GAP43: variants seen among roughly 807,000 people sequenced by gnomAD.
The protein encoded by GAP43 is neuromodulin.
In GAP43, 6 loss-of-function variants were observed where a neutral mutation model predicts 18.6. That is an observed-to-expected ratio of 0.32 (90% CI 0.18 to 0.64). The LOEUF (loss-of-function observed/expected upper bound fraction) is 0.64, where lower values mean the gene tolerates loss of function less well. Ranked by LOEUF, GAP43 falls within the 30% of genes least tolerant of loss-of-function variation. GAP43 has a pLI of 0.78. For synonymous variants in GAP43, 115 were observed against 111.4 expected (o/e 1.03, Z -0.20); for missense variants, 292 against 295.5 (o/e 0.99, Z 0.09).
At chr3:115,641,543 C>CAGACAGACAT (rs148731356) in intron 1 of GAP43, among the ~76,000 whole-genome samples, 1 of 150,242 alleles carries the variant, frequency 6.7e-6, no homozygotes, top group Non-Finnish European at 1.5e-5. Context: ...CACACACACA[C>CAGACAGACAT]GGTGCTTTCC....
chr3:115,654,233 G>A (rs1442408649), intron 1 of GAP43, among the ~76,000 whole-genome samples: 2 of 152,202 alleles, frequency 1.3e-5, no homozygotes, highest in African/African-American at 4.8e-5. Context: ...AGTACCAAGT[G>A]ATTCAAATAT....
chr3:115,670,059 A>G (rs1296497324), intron 1 of GAP43, among the ~76,000 whole-genome samples: 1 of 127,870 alleles, frequency 7.8e-6, no homozygotes, highest in Non-Finnish European at 1.6e-5. Context: ...GGTTAGTTAC[A>G]TATGTATACA....
At position 115,637,289 on chromosome 3, in the gene GAP43, G is replaced by GGATATGT. The variant is rs1401653251; in HGVS notation, c.30+13570_30+13571insGATATGT. On this transcript the variant is annotated intron_variant, in intron 1 of 2. Coordinates refer to ENST00000305124, the MANE Select transcript of GAP43 (RefSeq NM_002045.4). ...GGGTAAGATATCCAGTACAGTGCAT[G>GGATATGT]ACTCAAGAAACACATATTGTATCTA... 2.0e-5 allele frequency among the ~76,000 whole-genome samples: 3 copies of GGATATGT among 152,040 alleles called. No homozygotes were observed. The East Asian group carries it at 5.8e-4, about 29-fold the overall frequency.
chr3:115,692,569 G>A (rs946804579), intron 2 of GAP43, among the ~76,000 whole-genome samples: 3 of 152,214 alleles, frequency 2.0e-5, no homozygotes, highest in African/African-American at 4.8e-5. Context: ...CAGAGACCAC[G>A]ATAGTGGGTA....
Position 115,680,245 on chromosome 3 carries a change from C to A in GAP43, c.628+3635C>A, listed in dbSNP as rs376387967. On this transcript the variant is annotated intron_variant, in intron 2 of 2. Transcript: ENST00000305124. ...GAGACCGAGGCAGGAGGACTTGAGT[C>A]CAGGAGTTTGAGACCAGCCTGGGCA... 1.5e-4 allele frequency among the ~76,000 whole-genome samples: 23 copies of A among 152,158 alleles called. 1 individual carries two copies. Among genetic ancestry groups the A allele is most frequent in the African/African-American group, 5.5e-4 (23 of 41,504 alleles).
intron 2 of GAP43, among the ~76,000 whole-genome samples, chr3:115,693,450 C>T (rs1280402405): frequency 1.3e-5 from 2 of 151,826 alleles, no homozygotes; most frequent in African/African-American, 2.4e-5. Flanking sequence ...TTAAGAGCCA[C>T]GGGGAGACTC....
At chr3:115,641,454 T>G (rs62264810) in intron 1 of GAP43, among the ~76,000 whole-genome samples, 115,672 of 150,190 alleles carry the variant, frequency 0.77, 45,157 homozygotes, top group Admixed American at 0.84. Flanking sequence ...TATATATATA[T>G]AGAGAGAGAA....
chr3:115,705,709 A>T (rs1054656153), intron 2 of GAP43, among the ~76,000 whole-genome samples: 1 of 152,206 alleles, frequency 6.6e-6, no homozygotes, highest in Non-Finnish European at 1.5e-5. Context: ...CTGAGAAGGA[A>T]AAGCTAAGAA....
intron 2 of GAP43, among the ~76,000 whole-genome samples, chr3:115,710,268 G>A (rs28399403): frequency 1.4e-5 from 2 of 143,610 alleles, no homozygotes; most frequent in African/African-American, 5.2e-5. Flanking sequence ...TTTTTTTTTT[G>A]TCTGTAGATA....
At chr3:115,720,758 C>CCTT (rs759091194) in intron 2 of GAP43, 36 bp from the exon 3 acceptor site, 1 of 1,433,746 alleles carries the variant, frequency 7.0e-7, no homozygotes, top group Admixed American at 1.7e-5. Flanking sequence ...CTAATTCTCT[C>CCTT]CTTTTCCCCC....
intron 1 of GAP43, among the ~76,000 whole-genome samples, 155 bp from the exon 2 acceptor site, chr3:115,675,858 T>C (rs982206): frequency 0.85 from 128,453 of 151,548 alleles, 55,320 homozygotes; most frequent in East Asian, 0.97. Context: ...AAAGATGAGG[T>C]TTGATTTGAA....
chr3:115,624,934 A>G (rs1486680055), intron 1 of GAP43, among the ~76,000 whole-genome samples: 2 of 151,830 alleles, frequency 1.3e-5, no homozygotes, highest in African/African-American at 4.8e-5. Flanking sequence ...TTGGTCAAAG[A>G]AGCCCTTCGC....
intron 2 of GAP43, among the ~76,000 whole-genome samples, chr3:115,698,183 TATATTA>T (rs1709238534): frequency 2.1e-4 from 4 of 19,142 alleles, no homozygotes; most frequent in African/African-American, 4.0e-4. Context: ...AAATAATATA[TATATTA>T]AATATATATT....
At chr3:115,670,710 C>A (rs1391441536) in intron 1 of GAP43, among the ~76,000 whole-genome samples, 1 of 152,060 alleles carries the variant, frequency 6.6e-6, no homozygotes, top group East Asian at 1.9e-4. Context: ...TAAAGTGGGC[C>A]ATAAGTAGGT....
intron 1 of GAP43, among the ~76,000 whole-genome samples, chr3:115,655,022 C>A (rs1708562916): frequency 6.6e-6 from 1 of 152,150 alleles, no homozygotes; most frequent in Admixed American, 6.5e-5. Context: ...GGGCAAATCT[C>A]CACATCTAAA....
At chr3:115,708,940 G>GTTTTTTTTTTTTTTTTTTTTTTTTTT (rs3086974) in intron 2 of GAP43, among the ~76,000 whole-genome samples, 8 of 99,808 alleles carry the variant, frequency 8.0e-5, no homozygotes, top group African/African-American at 3.3e-4. Context: ...AACTGGCTGG[G>GTTTTTTTTTTTTTTTTTTTTTTTTTT]TTTTTTTTTT....
chr3:115,672,022 C>T (rs1029505506), intron 1 of GAP43, among the ~76,000 whole-genome samples: 1 of 152,204 alleles, frequency 6.6e-6, no homozygotes, highest in Non-Finnish European at 1.5e-5. Context: ...TTAACATAGG[C>T]ACTGAGTATT....
intron 1 of GAP43, among the ~76,000 whole-genome samples, chr3:115,640,370 T>C (rs1269803772): frequency 6.6e-6 from 1 of 152,068 alleles, no homozygotes; most frequent in Non-Finnish European, 1.5e-5. Context: ...TGGTGGGATA[T>C]GGTAGAATTT....
chr3:115,632,002 A>G (rs1444050413), intron 1 of GAP43, among the ~76,000 whole-genome samples: 1 of 152,200 alleles, frequency 6.6e-6, no homozygotes, highest in Non-Finnish European at 1.5e-5. Flanking sequence ...CAGAATTTAG[A>G]TAAGCCAATA....
Sources: gnomAD v4.1 joint callset for allele counts (sites outside exome capture counted in the v4.1 genomes callset) on GRCh38, gnomAD v4.1.1 for gene constraint, MANE v1.5 for transcripts, NCBI Gene and HGNC (gene_info 2026-07-23, HGNC 2026-07-21) for gene names.